Variants in GRK5 observed in about 807,000 individuals in gnomAD.
GRK5 encodes G protein-coupled receptor kinase 5, also known as g protein-coupled receptor kinase GRK5.
In GRK5, 40 loss-of-function variants were observed where a neutral mutation model predicts 78.4. The observed-to-expected ratio is 0.51, with a 90% CI of 0.40 to 0.66. The LOEUF (loss-of-function observed/expected upper bound fraction) is 0.66. Ranked by LOEUF, GRK5 falls within the 30% of genes least tolerant of loss-of-function variation. GRK5 has a pLI of 0.00. For synonymous variants in GRK5, 289 were observed against 296.8 expected, an observed-to-expected ratio of 0.97 and a Z score of 0.27; for missense variants, 598 against 759.9, an observed-to-expected ratio of 0.79 and a Z score of 2.50.
Position 119,436,796 on chromosome 10 carries a change from T to C in GRK5, c.884T>C (p.Ile295Thr), listed in dbSNP as rs767895963. The C allele has an allele frequency of 6.2e-7, 1 of 1,613,422 alleles. No homozygotes were observed. The highest frequency in any genetic ancestry group is 8.5e-7 in the Non-Finnish European group (1 of 1,179,634). Reference protein sequence around the residue: ...EERALFYAAEILCGLEDLHRE... With the variant: ...EERALFYAAETLCGLEDLHRE... ...CGGGCCTTGTTTTATGCGGCAGAGA[T>C]CCTCTGCGGCTTAGAAGACCTCCAC... The change falls in exon 9 of 16, where the codon ATC (isoleucine) becomes ACC (threonine). Residue 295 changes from isoleucine (I) to threonine (T), a missense_variant. Coordinates refer to ENST00000392870, the MANE Select transcript of GRK5 (RefSeq NM_005308.3).
intron 1 of GRK5, among the ~76,000 whole-genome samples, chr10:119,309,375 C>T (rs1025903616): frequency 1.3e-4 from 20 of 152,246 alleles, no homozygotes; most frequent in Middle Eastern, 3.4e-3. Context: ...GAGGCAGAGC[C>T]GAGCTCAGTA....
chr10:119,438,591 A>G lies in GRK5; in HGVS notation c.930-1140A>G, dbSNP rs574917134. ...AGAATTCTCTACGTGATTGCCTTTT[A>G]TTTAAAAAGAAAAAAGAAAGCCCTC... On this transcript the variant is annotated intron_variant, in intron 9 of 15. Coordinates refer to ENST00000392870, the MANE Select transcript of GRK5 (RefSeq NM_005308.3). Among the ~76,000 whole-genome samples, 21 of 151,628 alleles carry G rather than the reference A, an allele frequency of 1.4e-4. 1 individual carries two copies. The highest frequency in any genetic ancestry group is 4.8e-4 in the African/African-American group (20 of 41,320).
intron 1 of GRK5, among the ~76,000 whole-genome samples, chr10:119,252,887 CT>C (rs78532645): frequency 0.021 from 3,213 of 152,222 alleles, 56 homozygotes; most frequent in Admixed American, 0.054. Flanking sequence ...AACTTTGGAA[CT>C]TGCCCAGATG....
At chr10:119,289,037 C>CT (rs561728802) in intron 1 of GRK5, among the ~76,000 whole-genome samples, 1 of 152,086 alleles carries the variant, frequency 6.6e-6, no homozygotes, top group Non-Finnish European at 1.5e-5. Context: ...TTAAGCAAAA[C>CT]TTTTTTTTCC....
intron 14 of GRK5, 139 bp from the exon 15 acceptor site, chr10:119,453,006 C>T (rs1853321627): frequency 2.3e-6 from 2 of 855,964 alleles, no homozygotes; most frequent in African/African-American, 1.7e-5. Flanking sequence ...GACGGGGAGC[C>T]TCGCCCAGCC....
rs1315053867 is a variant in GRK5 at position 119,253,498 on chromosome 10, C to T, written c.52+45529C>T. On this transcript the variant is annotated intron_variant, in intron 1 of 15. Transcript: ENST00000392870. This position sits in a 1 kb window ranked among gnomAD's most constrained non-coding sequence, Gnocchi z 5.7. ...CGTGTAGCTGCTCTATTTTTCATGC[C>T]TCTTGCCTGGGTCTAAGCCCTGGAG... 2.0e-5 allele frequency among the ~76,000 whole-genome samples: 3 copies of T among 152,146 alleles called. No individual in the cohort carries two copies. Among genetic ancestry groups the T allele is most frequent in the Admixed American group, 6.5e-5 (1 of 15,280 alleles).
chr10:119,283,719 C>T (rs1376737073), intron 1 of GRK5, among the ~76,000 whole-genome samples: 2 of 152,198 alleles, frequency 1.3e-5, no homozygotes, highest in African/African-American at 4.8e-5. Context: ...AAGGGTCACC[C>T]TGCAGATGGG....
At chr10:119,247,261 C>A (rs1216816800) in intron 1 of GRK5, among the ~76,000 whole-genome samples, 1 of 152,170 alleles carries the variant, frequency 6.6e-6, no homozygotes, top group East Asian at 1.9e-4. Flanking sequence ...TGTGCTCTTT[C>A]ATGTAAAACA....
At position 119,336,486 on chromosome 10, in the gene GRK5, A is replaced by G. The variant is rs1471780792; in HGVS notation, c.148+9875A>G. ...AATGAATTGGCATGTTCTTTGTCTA[A>G]TTAAAAATCAAATGAATAAAGACCA... On this transcript the variant is annotated intron_variant, in intron 2 of 15. Transcript: ENST00000392870. This position sits in a 1 kb window ranked among gnomAD's most constrained non-coding sequence, Gnocchi z 4.5. 1.3e-5 allele frequency among the ~76,000 whole-genome samples: 2 copies of G among 152,184 alleles called. No individual in the cohort carries two copies. Among genetic ancestry groups the G allele is most frequent in the African/African-American group, 4.8e-5 (2 of 41,442 alleles).
chr10:119,296,506 A>T (rs1305347707), intron 1 of GRK5, among the ~76,000 whole-genome samples: 1 of 152,114 alleles, frequency 6.6e-6, no homozygotes. Flanking sequence ...GGAAGAAGAG[A>T]TGTTTAGTTG....
chr10:119,215,104 G>A (rs530488247), intron 1 of GRK5, among the ~76,000 whole-genome samples: 1 of 152,192 alleles, frequency 6.6e-6, no homozygotes, highest in South Asian at 2.1e-4. Flanking sequence ...AAAGATTAAA[G>A]GTACCTGTTC....
intron 4 of GRK5, among the ~76,000 whole-genome samples, chr10:119,401,575 C>T (rs1443272270): frequency 1.3e-5 from 2 of 152,188 alleles, no homozygotes; most frequent in Non-Finnish European, 2.9e-5. Context: ...CCTCTCAGTG[C>T]CTCAGTTTCC....
chr10:119,394,154 CTG>C (rs759052866), intron 3 of GRK5, among the ~76,000 whole-genome samples: 174 of 22,022 alleles, frequency 7.9e-3, no homozygotes, highest in Middle Eastern at 0.038. Flanking sequence ...GTATGTGTGT[CTG>C]TGTGTGGGTT....
intron 1 of GRK5, among the ~76,000 whole-genome samples, chr10:119,304,400 C>T (rs964681208): frequency 6.7e-6 from 1 of 150,200 alleles, no homozygotes; most frequent in Non-Finnish European, 1.5e-5. Context: ...AAGCAATTCT[C>T]CCTGCCTCAG....
At chr10:119,406,418 A>G (rs776377221) in intron 4 of GRK5, 54 of 983,520 alleles carry the variant, frequency 5.5e-5, no homozygotes, top group Middle Eastern at 1.0e-3. Context: ...CAACCAATTC[A>G]TGATCTCCAG....
At chr10:119,394,115 G>GGT (rs72240657) in intron 3 of GRK5, among the ~76,000 whole-genome samples, 11 of 132,648 alleles carry the variant, frequency 8.3e-5, no homozygotes, top group South Asian at 2.5e-4. Flanking sequence ...CTGTGTGGGG[G>GGT]GTGTGTGTGT....
intron 2 of GRK5, among the ~76,000 whole-genome samples, chr10:119,356,875 A>C (rs1224732790): frequency 6.6e-6 from 1 of 152,240 alleles, no homozygotes; most frequent in Admixed American, 6.5e-5. Context: ...AACTGATAAA[A>C]CGATAAAGGC....
chr10:119,426,488 C>T (rs1852678888), intron 6 of GRK5, among the ~76,000 whole-genome samples: 1 of 152,184 alleles, frequency 6.6e-6, no homozygotes, highest in Admixed American at 6.5e-5. Context: ...AAGGGTCACT[C>T]ACGACTCTAC....
intron 1 of GRK5, among the ~76,000 whole-genome samples, chr10:119,324,908 G>A (rs1467565513): frequency 7.9e-5 from 12 of 152,258 alleles, no homozygotes; most frequent in African/African-American, 2.9e-4. Context: ...CACGGCAGGT[G>A]CCCAATACGC....
Sources: gnomAD v4.1 joint callset for allele counts (sites outside exome capture counted in the v4.1 genomes callset) on GRCh38, gnomAD v4.1.1 for gene constraint, Gnocchi (gnomAD v3.1) non-coding constraint, MANE v1.5 for transcripts, NCBI Gene and HGNC (gene_info 2026-07-23, HGNC 2026-07-21) for gene names.